Variants in GRM7 observed in about 807,000 individuals in gnomAD.
GRM7 encodes the protein metabotropic glutamate receptor 7.
A neutral mutation model predicts 84.5 loss-of-function variants in GRM7; 35 were observed. The ratio of observed to expected loss-of-function variants is 0.41; its 90% CI spans 0.32 to 0.55. The LOEUF is 0.55. Ranked by LOEUF, GRM7 falls within the 20% of genes least tolerant of loss-of-function variation. The probability of loss-of-function intolerance (pLI) is 0.19; values close to 1 mark genes in which losing one functional copy is unlikely to be tolerated. For missense variants in GRM7, 1,003 were observed against 1,194.6 expected, an observed-to-expected ratio of 0.84 and a Z score of 2.36; for synonymous variants, 487 against 455.1, an observed-to-expected ratio of 1.07 and a Z score of -0.89.
At position 7,226,832 on chromosome 3, in the gene GRM7, A is replaced by G. The variant is rs1696998434; in HGVS notation, c.737-71852A>G. On this transcript the variant is annotated intron_variant, in intron 2 of 9. Transcript: ENST00000357716. The stretch of plus-strand genomic sequence containing the variant: ...TAGTCGGCTCCTGGGGAATTTGCAT[A>G]AAAATAAAACTCTATTTTAAGGGTC... Among the ~76,000 whole-genome samples the G allele has an allele frequency of 3.3e-5, 5 of 152,312 alleles. No homozygotes were observed. In the South Asian group the frequency reaches 1.0e-3, roughly 32 times the overall value.
chr3:7,420,441 T>G (rs538434125), intron 5 of GRM7, among the ~76,000 whole-genome samples: 11 of 152,136 alleles, frequency 7.2e-5, no homozygotes, highest in Non-Finnish European at 1.6e-4. Flanking sequence ...CTCTAAGACT[T>G]TTTTTGAAAC....
chr3:7,626,632 C>T (rs1172688857), intron 8 of GRM7, among the ~76,000 whole-genome samples: 1 of 152,124 alleles, frequency 6.6e-6, no homozygotes. Flanking sequence ...TAACATCTGC[C>T]ATCGCATAGT....
intron 4 of GRM7, among the ~76,000 whole-genome samples, chr3:7,354,801 C>T (rs1693319436): frequency 6.6e-6 from 1 of 152,196 alleles, no homozygotes; most frequent in Admixed American, 6.5e-5. Flanking sequence ...TGGTATGTAA[C>T]TATTGATTTA....
chr3:7,625,738 G>A (rs1239865744), intron 8 of GRM7, among the ~76,000 whole-genome samples: 2 of 152,138 alleles, frequency 1.3e-5, no homozygotes, highest in Non-Finnish European at 2.9e-5. Flanking sequence ...CCTGACTTCT[G>A]CACAGCCTGG....
At chr3:7,649,181 T>C (rs1049308236) in intron 8 of GRM7, among the ~76,000 whole-genome samples, 7 of 152,034 alleles carry the variant, frequency 4.6e-5, no homozygotes, top group African/African-American at 1.7e-4. Flanking sequence ...GCCATTCTCC[T>C]GCCTCAGCCT....
At chr3:7,482,935 G>A (rs561150347) in intron 7 of GRM7, among the ~76,000 whole-genome samples, 2 of 152,134 alleles carry the variant, frequency 1.3e-5, no homozygotes, top group Non-Finnish European at 2.9e-5. Flanking sequence ...AAAAGAAAGA[G>A]CTAACATTTA....
intron 8 of GRM7, among the ~76,000 whole-genome samples, chr3:7,644,365 C>T (rs1157952856): frequency 6.6e-6 from 1 of 152,056 alleles, no homozygotes; most frequent in East Asian, 1.9e-4. Flanking sequence ...TCTACAACCA[C>T]AGACCTTCTG....
At chr3:7,400,838 T>C (rs908785258) in intron 4 of GRM7, among the ~76,000 whole-genome samples, 4 of 152,188 alleles carry the variant, frequency 2.6e-5, no homozygotes, top group African/African-American at 9.6e-5. Context: ...TTGGGCAAAT[T>C]ACTTATTCTG....
chr3:7,270,661 G>A (rs545712517), intron 2 of GRM7, among the ~76,000 whole-genome samples: 1 of 152,212 alleles, frequency 6.6e-6, no homozygotes, highest in Admixed American at 6.5e-5. Flanking sequence ...CAGCATAACT[G>A]TAAACAAACG....
At chr3:7,516,164 CA>C (rs35256206) in intron 7 of GRM7, among the ~76,000 whole-genome samples, 1,164 of 31,334 alleles carry the variant, frequency 0.037, 10 homozygotes, top group African/African-American at 0.12. Flanking sequence ...CACCATATCT[CA>C]AAAAAAAAAA....
At chr3:7,389,813 A>G (rs572949019) in intron 4 of GRM7, among the ~76,000 whole-genome samples, 5 of 151,630 alleles carry the variant, frequency 3.3e-5, no homozygotes, top group African/African-American at 7.3e-5. Flanking sequence ...TTGCCACTCT[A>G]TTTTTAAGGG....
At chr3:7,382,790 A>G (rs1694641059) in intron 4 of GRM7, among the ~76,000 whole-genome samples, 1 of 152,252 alleles carries the variant, frequency 6.6e-6, no homozygotes, top group African/African-American at 2.4e-5. Flanking sequence ...TCTTAGTTAT[A>G]TTAAGGAAGC....
chr3:7,651,572 A>G (rs1366687084), intron 8 of GRM7, among the ~76,000 whole-genome samples: 1 of 152,202 alleles, frequency 6.6e-6, no homozygotes, highest in Non-Finnish European at 1.5e-5. Flanking sequence ...ACATCTCATT[A>G]TATCTCCTTG....
intron 1 of GRM7, among the ~76,000 whole-genome samples, chr3:6,966,082 A>G (rs546478944): frequency 6.6e-6 from 1 of 152,324 alleles, no homozygotes; most frequent in African/African-American, 2.4e-5. Flanking sequence ...CGAGTGCTAT[A>G]CGAAATGCCC....
chr3:7,305,966 A>G (rs1354180360), intron 3 of GRM7, among the ~76,000 whole-genome samples: 2 of 152,156 alleles, frequency 1.3e-5, no homozygotes, highest in African/African-American at 4.8e-5. Flanking sequence ...GATTATGTAT[A>G]TATAATACTT....
intron 4 of GRM7, among the ~76,000 whole-genome samples, chr3:7,373,014 C>T (rs1035966019): frequency 5.9e-5 from 9 of 152,126 alleles, no homozygotes; most frequent in African/African-American, 2.2e-4. Flanking sequence ...ATTAGAACAG[C>T]ATATTTGAAA....
chr3:7,033,641 T>A (rs1696272448), intron 1 of GRM7, among the ~76,000 whole-genome samples: 1 of 152,170 alleles, frequency 6.6e-6, no homozygotes, highest in Non-Finnish European at 1.5e-5. Context: ...ATGGTCAAAC[T>A]AATTTCTTTT....
chr3:7,179,653 A>G (rs1162542747), intron 2 of GRM7, among the ~76,000 whole-genome samples: 1 of 152,174 alleles, frequency 6.6e-6, no homozygotes, highest in Non-Finnish European at 1.5e-5. Context: ...TGCCCTACAG[A>G]CACCTTGTAA....
intron 4 of GRM7, among the ~76,000 whole-genome samples, chr3:7,390,009 G>A (rs1312395842): frequency 1.3e-5 from 2 of 151,992 alleles, no homozygotes; most frequent in Non-Finnish European, 2.9e-5. Context: ...ACATTTTCAT[G>A]TTTATAAGTT....
Sources: allele counts gnomAD v4.1 joint callset (sites outside exome capture counted in the v4.1 genomes callset), GRCh38; gene constraint gnomAD v4.1.1; transcripts MANE v1.5; gene names NCBI Gene and HGNC (gene_info 2026-07-23, HGNC 2026-07-21).